RARB: variants seen among roughly 807,000 people sequenced by gnomAD.
RARB encodes HBV-activated protein.
In RARB, 17 loss-of-function variants were observed where a neutral mutation model predicts 51.9. The observed-to-expected ratio is 0.33, with a 90% confidence interval of 0.22 to 0.49. The LOEUF (loss-of-function observed/expected upper bound fraction) is 0.49. Ranked by LOEUF, RARB falls within the 20% of genes least tolerant of loss-of-function variation. The probability of loss-of-function intolerance (pLI) is 0.99; values close to 1 mark genes in which losing one functional copy is unlikely to be tolerated. For synonymous variants in RARB, 215 were observed against 195.4 expected, an observed-to-expected ratio of 1.10 and a Z score of -0.84; for missense variants, 369 against 550.8, an observed-to-expected ratio of 0.67 and a Z score of 3.30.
intron 2 of RARB, among the ~76,000 whole-genome samples, chr3:24,864,859 G>A (rs1449221074): frequency 6.6e-6 from 1 of 152,156 alleles, no homozygotes; most frequent in Non-Finnish European, 1.5e-5. Flanking sequence ...AACACAAATT[G>A]CTGGGTAGTA....
At chr3:25,380,775 C>T (rs1042392979) in intron 5 of RARB, among the ~76,000 whole-genome samples, 10 of 152,156 alleles carry the variant, frequency 6.6e-5, no homozygotes, top group Admixed American at 5.2e-4. Flanking sequence ...TCGTCTCCCT[C>T]CCCCTGCTAA....
intron 5 of RARB, among the ~76,000 whole-genome samples, chr3:25,177,494 T>C (rs1315030734): frequency 3.9e-5 from 6 of 152,198 alleles, no homozygotes; most frequent in Non-Finnish European, 8.8e-5. Context: ...TGATATCTCT[T>C]TTGTAATCTG....
chr3:25,254,554 T>C (rs556245365), intron 5 of RARB, among the ~76,000 whole-genome samples: 79 of 152,148 alleles, frequency 5.2e-4, no homozygotes, highest in Non-Finnish European at 1.0e-3. Context: ...CAAATGGTTT[T>C]TCTTTCTCTG....
At chr3:24,902,117 CTTA>C (rs1012445696) in intron 2 of RARB, among the ~76,000 whole-genome samples, 60 of 152,122 alleles carry the variant, frequency 3.9e-4, no homozygotes, top group Non-Finnish European at 6.5e-4. Context: ...GATTGATGTT[CTTA>C]TTATCTCTGT....
At chr3:24,970,989 C>T (rs918198270) in intron 2 of RARB, among the ~76,000 whole-genome samples, 1 of 151,976 alleles carries the variant, frequency 6.6e-6, no homozygotes, top group Admixed American at 6.6e-5. Flanking sequence ...GGTACTAGTT[C>T]TTCATCTTGG....
intron 2 of RARB, among the ~76,000 whole-genome samples, chr3:24,906,102 A>G (rs974695485): frequency 5.9e-5 from 9 of 152,212 alleles, no homozygotes; most frequent in Non-Finnish European, 1.3e-4. Context: ...CAAAGTCGAG[A>G]CAGCCAATAA....
chr3:25,030,133 A>G (rs773289805), intron 2 of RARB, among the ~76,000 whole-genome samples: 1 of 152,188 alleles, frequency 6.6e-6, no homozygotes, highest in Non-Finnish European at 1.5e-5. Flanking sequence ...TACCTTTTCT[A>G]TTATTATGTT....
intron 5 of RARB, among the ~76,000 whole-genome samples, chr3:25,315,887 G>C (rs1450773252): frequency 2.0e-5 from 3 of 151,852 alleles, no homozygotes; most frequent in Non-Finnish European, 4.4e-5. Context: ...CCAAAGTTCT[G>C]GGATTACAGG....
At chr3:25,008,110 A>G (rs1438176273) in intron 2 of RARB, among the ~76,000 whole-genome samples, 1 of 152,158 alleles carries the variant, frequency 6.6e-6, no homozygotes, top group Non-Finnish European at 1.5e-5. Flanking sequence ...TAGCTCTTGT[A>G]ATAGGTAATC....
chr3:25,539,202 A>G lies in RARB; in HGVS notation c.449-30556A>G, dbSNP rs749605925. On this transcript the variant is annotated intron_variant, in intron 3 of 7. Coordinates refer to ENST00000330688, the MANE Select transcript of RARB (RefSeq NM_000965.5). ...TTGAAAGAGACCTAAGGGAAACCGC[A>G]CAGCTACCTGGCAATGATCCTCTGG... Among the ~76,000 whole-genome samples the G allele has an allele frequency of 3.9e-5, 6 of 152,282 alleles. No individual in the cohort carries two copies. The South Asian group carries it at 6.2e-4, about 16-fold the overall frequency.
chr3:25,416,461 C>T (rs1707706600), intron 5 of RARB, among the ~76,000 whole-genome samples: 4 of 152,244 alleles, frequency 2.6e-5, no homozygotes, highest in Admixed American at 6.5e-5. Context: ...CTTGAAGAAA[C>T]GTTTGATATT....
exon 5 of RARB, chr3:25,174,198 C>G (rs1700698074): frequency 1.4e-5 from 4 of 283,448 alleles, no homozygotes; most frequent in Admixed American, 8.4e-5. Flanking sequence ...AGCATCCTTC[C>G]TGTAATCAGT....
intron 2 of RARB, among the ~76,000 whole-genome samples, chr3:25,007,071 C>T (rs1193887022): frequency 6.6e-6 from 1 of 152,194 alleles, no homozygotes; most frequent in Non-Finnish European, 1.5e-5. Flanking sequence ...CTGTGATTTT[C>T]ACTCCTGAGT....
chr3:25,355,672 A>AT (rs1705711918), intron 5 of RARB, among the ~76,000 whole-genome samples: 1 of 152,154 alleles, frequency 6.6e-6, no homozygotes, highest in South Asian at 2.1e-4. Flanking sequence ...TCATGATTAA[A>AT]TATAATCATG....
chr3:25,441,815 TGA>T (rs1177102286), intron 1 of RARB, among the ~76,000 whole-genome samples: 2 of 152,216 alleles, frequency 1.3e-5, no homozygotes, highest in Non-Finnish European at 2.9e-5. Context: ...CTCACTAAAC[TGA>T]GAGTCTTTGA....
At chr3:25,449,660 C>A (rs1472237182) in intron 1 of RARB, among the ~76,000 whole-genome samples, 1 of 152,062 alleles carries the variant, frequency 6.6e-6, no homozygotes, top group Non-Finnish European at 1.5e-5. Context: ...AGCTGTATGG[C>A]CTTGAACAAG....
At chr3:25,476,341 G>C (rs1236869323) in intron 2 of RARB, among the ~76,000 whole-genome samples, 1 of 152,118 alleles carries the variant, frequency 6.6e-6, no homozygotes, top group Non-Finnish European at 1.5e-5. Context: ...GCATTTATAT[G>C]CACTGGATAA....
chr3:25,402,388 GTTTGGAGGTTCCTCAAAAAAACTAAAAA>G (rs1383659909), intron 5 of RARB, among the ~76,000 whole-genome samples: 1 of 152,188 alleles, frequency 6.6e-6, no homozygotes, highest in Non-Finnish European at 1.5e-5. Context: ...AGGGAGAACA[GTTTGGAGGTTCCTCAAAAAAACTAAAAA>G]TTGAGCTACC....
intron 5 of RARB, among the ~76,000 whole-genome samples, chr3:25,581,970 A>G (rs1193444658): frequency 6.6e-6 from 1 of 152,142 alleles, no homozygotes; most frequent in Non-Finnish European, 1.5e-5. Context: ...GGATCTTCCC[A>G]AGGTCACAGA....
Sources: gnomAD v4.1 joint callset for allele counts (sites outside exome capture counted in the v4.1 genomes callset) on GRCh38, gnomAD v4.1.1 for gene constraint, MANE v1.5 for transcripts, NCBI Gene and HGNC (gene_info 2026-07-23, HGNC 2026-07-21) for gene names.